Variants in EHBP1 observed in about 807,000 individuals in gnomAD.
EHBP1 encodes EH domain binding protein 1, also known as EH domain-binding protein 1.
EHBP1 carries 55 observed loss-of-function variants against 144.0 expected under a neutral mutation model. The observed-to-expected ratio is 0.38, with a 90% CI of 0.31 to 0.48. The LOEUF is 0.48. Among genes scored for constraint, EHBP1 ranks in the 20% least tolerant of loss-of-function variants. The pLI is 0.98. For missense variants in EHBP1, 1,200 were observed against 1,364.2 expected, an observed-to-expected ratio of 0.88 and a Z score of 1.90; for synonymous variants, 469 against 472.7, an observed-to-expected ratio of 0.99 and a Z score of 0.10.
intron 10 of EHBP1, among the ~76,000 whole-genome samples, chr2:62,894,066 A>G (rs2052681616): frequency 6.6e-6 from 1 of 151,852 alleles, no homozygotes; most frequent in Non-Finnish European, 1.5e-5. Context: ...AAAAACAGCA[A>G]CAACACAAAG....
At chr2:62,932,927 G>C (rs1291008831) in intron 10 of EHBP1, among the ~76,000 whole-genome samples, 1 of 149,786 alleles carries the variant, frequency 6.7e-6, no homozygotes, top group Non-Finnish European at 1.5e-5. Context: ...ACTCCAACCT[G>C]GGTGACAGAG....
intron 10 of EHBP1, among the ~76,000 whole-genome samples, chr2:62,926,305 G>A (rs571876861): frequency 2.0e-5 from 3 of 152,132 alleles, no homozygotes; most frequent in African/African-American, 7.2e-5. Flanking sequence ...GACCTCAAAC[G>A]CATAGGCAGC....
At chr2:62,839,190 C>T (rs1401693270) in intron 7 of EHBP1, among the ~76,000 whole-genome samples, 30 of 151,822 alleles carry the variant, frequency 2.0e-4, no homozygotes, top group South Asian at 4.2e-4. Flanking sequence ...GTTCAATATA[C>T]GCAAATCAAT....
At chr2:62,953,970 A>C (rs1247024770) in intron 13 of EHBP1, among the ~76,000 whole-genome samples, 2 of 152,250 alleles carry the variant, frequency 1.3e-5, no homozygotes, top group Non-Finnish European at 2.9e-5. Context: ...TTAGGAAATC[A>C]AGGGATTAAA....
chr2:63,009,913 T>C (rs2060199582), intron 19 of EHBP1, among the ~76,000 whole-genome samples: 1 of 151,476 alleles, frequency 6.6e-6, no homozygotes, highest in Admixed American at 6.6e-5. Flanking sequence ...CAATAACTAA[T>C]AATCAAATAG....
chr2:62,685,501 G>A (rs1428561255), intron 1 of EHBP1, among the ~76,000 whole-genome samples: 3 of 151,996 alleles, frequency 2.0e-5, no homozygotes, highest in African/African-American at 7.3e-5. Flanking sequence ...GGTTGTCTGT[G>A]TCCCAGTGTC....
At chr2:62,909,196 C>T (rs911181950) in intron 10 of EHBP1, among the ~76,000 whole-genome samples, 29 of 152,072 alleles carry the variant, frequency 1.9e-4, no homozygotes, top group Admixed American at 1.7e-3. Flanking sequence ...CCCCCCACCC[C>T]GAGACAAGGT....
At chr2:62,731,987 G>A (rs2037643455) in intron 2 of EHBP1, among the ~76,000 whole-genome samples, 1 of 152,092 alleles carries the variant, frequency 6.6e-6, no homozygotes, top group South Asian at 2.1e-4. Flanking sequence ...CAGAATTCTA[G>A]GTTGGTACAT....
At chr2:62,812,318 G>C (rs920982241) in intron 5 of EHBP1, among the ~76,000 whole-genome samples, 3 of 152,164 alleles carry the variant, frequency 2.0e-5, no homozygotes, top group African/African-American at 7.2e-5. Flanking sequence ...AATTGGTACT[G>C]AGAAGTGAGA....
At chr2:62,875,459 G>A (rs1490006075) in intron 10 of EHBP1, among the ~76,000 whole-genome samples, 1 of 152,138 alleles carries the variant, frequency 6.6e-6, no homozygotes, top group Admixed American at 6.5e-5. Flanking sequence ...ACCTTCAATG[G>A]CATCAAATAA....
chr2:63,020,601 G>A (rs1189582342), intron 19 of EHBP1, among the ~76,000 whole-genome samples: 1 of 151,824 alleles, frequency 6.6e-6, no homozygotes, highest in East Asian at 1.9e-4. Flanking sequence ...CAGAGGATGA[G>A]CACTCAATAC....
At chr2:62,754,864 C>A (rs891061713) in intron 3 of EHBP1, among the ~76,000 whole-genome samples, 1 of 152,258 alleles carries the variant, frequency 6.6e-6, no homozygotes, top group Middle Eastern at 3.4e-3. Context: ...GGGAGTGACC[C>A]GATTTTCCAG....
chr2:62,773,525 T>C lies in EHBP1; in HGVS notation c.312+2133T>C, dbSNP rs1282681221. 2.6e-5 allele frequency among the ~76,000 whole-genome samples: 4 copies of C among 152,028 alleles called. No individual in the cohort carries two copies. In the South Asian group the frequency reaches 6.2e-4, roughly 24 times the overall value. On this transcript the variant is annotated intron_variant, in intron 5 of 22. Coordinates refer to ENST00000431489, the MANE Select transcript of EHBP1 (RefSeq NM_001142616.3). Reference sequence around the variant, plus strand: ...ATTGAAGGAGTGAGTGAATGAATGGTATAGTTAAACTCTGTGAACTGTTAT... The same window carrying C: ...ATTGAAGGAGTGAGTGAATGAATGGCATAGTTAAACTCTGTGAACTGTTAT...
At chr2:62,852,809 A>T (rs960218431) in intron 7 of EHBP1, among the ~76,000 whole-genome samples, 1 of 152,188 alleles carries the variant, frequency 6.6e-6, no homozygotes, top group Non-Finnish European at 1.5e-5. Flanking sequence ...CAGGTAAATT[A>T]TCTAATTTAT....
rs1343638190 is a variant in EHBP1, at chr2:62,955,677, A to T, written c.2460+17A>T. On this transcript the variant is annotated intron_variant, in intron 14 of 22. Coordinates refer to ENST00000431489, the MANE Select transcript of EHBP1 (RefSeq NM_001142616.3). ...CTAAGTGATGTGAGGAGCATTGGTT[A>T]AAAAAGACCATAAGTTGTTCATTGT... 6.3e-7 allele frequency: 1 copy of T among 1,593,814 alleles called. No individual in the cohort carries two copies. The highest frequency in any genetic ancestry group is 8.5e-7 in the Non-Finnish European group (1 of 1,171,690).
chr2:62,904,050 C>CT (rs149994168), intron 10 of EHBP1, among the ~76,000 whole-genome samples: 300 of 152,136 alleles, frequency 2.0e-3, no homozygotes, highest in African/African-American at 7.0e-3. Flanking sequence ...CAATATAAGG[C>CT]TTGTAAGGGA....
intron 13 of EHBP1, among the ~76,000 whole-genome samples, chr2:62,949,593 ATAAAT>A (rs2057271179): frequency 6.6e-6 from 1 of 152,242 alleles, no homozygotes; most frequent in Non-Finnish European, 1.5e-5. Context: ...CTACTATAAA[ATAAAT>A]CAAAGATGTT....
At chr2:62,881,938 A>G (rs186121024) in intron 10 of EHBP1, among the ~76,000 whole-genome samples, 2 of 152,312 alleles carry the variant, frequency 1.3e-5, no homozygotes, top group East Asian at 1.9e-4. Context: ...GATAAAGGAA[A>G]GATTACAAGT....
chr2:62,987,851 G>C (rs2059261458), intron 15 of EHBP1: 3 of 756,002 alleles, frequency 4.0e-6, no homozygotes, highest in Non-Finnish European at 6.2e-6. Context: ...CTAAAATACT[G>C]GTTTTTCTTC....
Sources: allele counts gnomAD v4.1 joint callset (sites outside exome capture counted in the v4.1 genomes callset), GRCh38; gene constraint gnomAD v4.1.1; transcripts MANE v1.5; gene names NCBI Gene and HGNC (gene_info 2026-07-23, HGNC 2026-07-21).